The following CRTAM variants were observed in gnomAD, a reference collection of about 807,000 sequenced individuals.
The protein encoded by CRTAM is cytotoxic and regulatory T-cell molecule.
CRTAM carries 44 observed loss-of-function variants against 50.0 expected under a neutral mutation model. That is an observed-to-expected ratio of 0.88 (90% confidence interval 0.69 to 1.13). The LOEUF is 1.13. Ranked by LOEUF, CRTAM falls within the 50% of genes most tolerant of loss-of-function variation. The probability of loss-of-function intolerance (pLI) is 0.00; values close to 1 mark genes in which losing one functional copy is unlikely to be tolerated. For synonymous variants in CRTAM, 159 were observed against 169.3 expected (o/e 0.94, Z 0.47); for missense variants, 448 against 457.5 (o/e 0.98, Z 0.19).
chr11:122,864,049 A>G (rs548852017), intron 6 of CRTAM, among the ~76,000 whole-genome samples: 5 of 152,334 alleles, frequency 3.3e-5, no homozygotes, highest in African/African-American at 9.6e-5. Flanking sequence ...AAAAAACATC[A>G]TAGTACATCC....
chr11:122,842,850 C>T (rs3134423), intron 1 of CRTAM, among the ~76,000 whole-genome samples: 104,924 of 152,004 alleles, frequency 0.69, 36,515 homozygotes, highest in African/African-American at 0.77. Flanking sequence ...GGGCAGGTGG[C>T]ATATCTGTGT....
chr11:122,867,377 G>C (rs762050318), intron 7 of CRTAM, 32 bp from the exon 8 acceptor site: 3 of 1,542,940 alleles, frequency 1.9e-6, no homozygotes, highest in Non-Finnish European at 2.6e-6. Context: ...AAAACCCAAA[G>C]TATCTAAACT....
intron 4 of CRTAM, 69 bp from the exon 5 acceptor site, chr11:122,855,626 T>C: frequency 7.5e-7 from 1 of 1,324,768 alleles, no homozygotes; most frequent in East Asian, 2.3e-5. Flanking sequence ...TCAAGGCCAT[T>C]GGCCTCTAAT....
chr11:122,868,046 A>G lies in CRTAM; in HGVS notation c.998A>G (p.Tyr333Cys), dbSNP rs778233223. ...GTTTCAGAACACACACTAGAAAGTT[A>G]CAGATCAAGGTCAAATAATGAAGAA... Reference protein sequence around the residue: ...NEVSEHTLESYRSRSNNEETS... With the variant: ...NEVSEHTLESCRSRSNNEETS... The change falls in exon 9 of 10, where the codon TAC (tyrosine) becomes TGC (cysteine). Residue 333 changes from tyrosine (Y) to cysteine (C), a missense_variant. Physicochemically the swap from Tyr to Cys is radical, Grantham distance 194. Coordinates refer to ENST00000227348, the MANE Select transcript of CRTAM (RefSeq NM_019604.4). 6.2e-7 allele frequency: 1 copy of G among 1,613,210 alleles called. No individual in the cohort carries two copies. Among genetic ancestry groups the G allele is most frequent in the Non-Finnish European group, 8.5e-7 (1 of 1,179,464 alleles).
chr11:122,860,198 C>T (rs1271418443), intron 5 of CRTAM, among the ~76,000 whole-genome samples: 2 of 152,092 alleles, frequency 1.3e-5, no homozygotes, highest in African/African-American at 4.8e-5. Flanking sequence ...TAGGTGCCCA[C>T]CACCATGCCC....
intron 2 of CRTAM, among the ~76,000 whole-genome samples, chr11:122,850,893 A>G (rs75639066): frequency 0.018 from 2,702 of 152,290 alleles, 74 homozygotes; most frequent in African/African-American, 0.061. Context: ...TCTCCATTTA[A>G]TATTGCTAAC....
At position 122,864,715 on chromosome 11, in the gene CRTAM, C is replaced by G. The variant is rs1447596913; in HGVS notation, c.813C>G (p.Thr271=). Residue 271 remains threonine (T), a synonymous_variant, in exon 7 of 10, where the codon ACC becomes ACG. Coordinates refer to ENST00000227348, the MANE Select transcript of CRTAM (RefSeq NM_019604.4). ...KEQTTQDPDL[T]TEANPQYLGL... Reference sequence around the variant, plus strand: ...AAACCACTCAAGATCCTGACTTGACCACCGGTAAGTGTCACCCACTGCATT... The same window carrying G: ...AAACCACTCAAGATCCTGACTTGACGACCGGTAAGTGTCACCCACTGCATT... 14 of 1,606,168 alleles carry G rather than the reference C, an allele frequency of 8.7e-6. No individual in the cohort carries two copies. In the Admixed American group the frequency reaches 2.3e-4, roughly 27 times the overall value.
At chr11:122,857,400 C>T (rs987202246) in intron 5 of CRTAM, among the ~76,000 whole-genome samples, 2 of 152,122 alleles carry the variant, frequency 1.3e-5, no homozygotes, top group African/African-American at 2.4e-5. Context: ...ACCCGAGAGG[C>T]GGAGTTTACA....
At chr11:122,870,293 C>T (rs970180578) in intron 9 of CRTAM, among the ~76,000 whole-genome samples, 2 of 152,090 alleles carry the variant, frequency 1.3e-5, no homozygotes, top group African/African-American at 4.8e-5. Flanking sequence ...GTTGCCCAGG[C>T]TGGTCTTGAA....
intron 3 of CRTAM, 109 bp from the exon 4 acceptor site, chr11:122,853,834 T>A: frequency 1.1e-6 from 1 of 947,792 alleles, no homozygotes; most frequent in Non-Finnish European, 1.5e-6. Flanking sequence ...GAAAGCCCAT[T>A]AATTAGAGTA....
At chr11:122,842,428 C>A (rs965936201) in intron 1 of CRTAM, among the ~76,000 whole-genome samples, 2 of 152,156 alleles carry the variant, frequency 1.3e-5, no homozygotes, top group Non-Finnish European at 2.9e-5. Context: ...CAGGTGCCTG[C>A]CACCATCCCT....
chr11:122,840,809 A>T lies in CRTAM; in HGVS notation c.46+2217A>T, dbSNP rs1342938137. 2.0e-5 allele frequency among the ~76,000 whole-genome samples: 3 copies of T among 152,168 alleles called. No homozygotes were observed. The East Asian group carries it at 5.8e-4, about 29-fold the overall frequency. On this transcript the variant is annotated intron_variant, in intron 1 of 9. Coordinates refer to ENST00000227348, the MANE Select transcript of CRTAM (RefSeq NM_019604.4). The stretch of plus-strand genomic sequence containing the variant: ...TGGCTGCCAAAAATTTATGGAAAAA[A>T]AAAAAGTCACGTAATCTCAGAGCCT...
intron 5 of CRTAM, 49 bp downstream of exon 5, chr11:122,855,905 A>G (rs1862000784): frequency 4.7e-6 from 7 of 1,489,488 alleles, no homozygotes; most frequent in Admixed American, 1.8e-5. Flanking sequence ...TTACTTTAAT[A>G]TTACACTATC....
chr11:122,846,630 C>A (rs1861867278), intron 1 of CRTAM, among the ~76,000 whole-genome samples: 1 of 152,196 alleles, frequency 6.6e-6, no homozygotes, highest in Non-Finnish European at 1.5e-5. Flanking sequence ...CTCTGTCTGT[C>A]TGTCTGTCTG....
intron 9 of CRTAM, among the ~76,000 whole-genome samples, chr11:122,868,521 C>G (rs1862212594): frequency 6.6e-6 from 1 of 152,094 alleles, no homozygotes; most frequent in Non-Finnish European, 1.5e-5. Flanking sequence ...GGGCCCCCAA[C>G]AGAATGGATG....
At chr11:122,848,718 T>G (rs1444345183) in intron 1 of CRTAM, among the ~76,000 whole-genome samples, 1 of 152,206 alleles carries the variant, frequency 6.6e-6, no homozygotes, top group Admixed American at 6.5e-5. Flanking sequence ...TGGTTTCTTT[T>G]TTGTTGTTGT....
chr11:122,850,167 A>G lies in CRTAM; in HGVS notation c.146A>G (p.Gln49Arg), dbSNP rs922780131. The change falls in exon 2 of 10, where the codon CAG becomes CGG. Residue 49 changes from glutamine to arginine, a missense_variant. By Grantham distance (43) the Gln-to-Arg change is conservative. Transcript: ENST00000227348. The stretch of plus-strand genomic sequence containing the variant: ...TCTCTGAGGAAGAACTCCTCCCTCC[A>G]GTGGCTGACCCCCTCAGGGTTCACC... ...VTSLRKNSSLQWLTPSGFTIF... is the reference protein window; with the variant it reads ...VTSLRKNSSLRWLTPSGFTIF... 1.9e-6 allele frequency: 3 copies of G among 1,613,520 alleles called. No homozygotes were observed. Among genetic ancestry groups the G allele is most frequent in the African/African-American group, 1.3e-5 (1 of 74,924 alleles).
At chr11:122,845,436 C>T (rs1316475965) in intron 1 of CRTAM, among the ~76,000 whole-genome samples, 4 of 152,026 alleles carry the variant, frequency 2.6e-5, no homozygotes, top group Admixed American at 6.6e-5. Context: ...AGGCAGGGCA[C>T]GGTGGCTCAT....
chr11:122,860,355 T>A (rs1862055765), intron 5 of CRTAM, among the ~76,000 whole-genome samples: 1 of 152,122 alleles, frequency 6.6e-6, no homozygotes, highest in African/African-American at 2.4e-5. Context: ...TGGCCTAAAT[T>A]TTTAATATAT....
Sources: allele counts gnomAD v4.1 joint callset (sites outside exome capture counted in the v4.1 genomes callset), GRCh38; gene constraint gnomAD v4.1.1; transcripts MANE v1.5; gene names NCBI Gene and HGNC (gene_info 2026-07-23, HGNC 2026-07-21).